RP1: variants seen among roughly 807,000 people sequenced by gnomAD.
RP1 encodes oxygen-regulated protein 1.
A neutral mutation model predicts 14.8 loss-of-function variants in RP1; 16 were observed. The ratio of observed to expected loss-of-function variants is 1.08; its 90% CI spans 0.73 to 1.65. The LOEUF is 1.65. Among genes scored for constraint, RP1 ranks in the 40% most tolerant of loss-of-function variants. The probability of loss-of-function intolerance (pLI) is 0.00; values close to 1 mark genes in which losing one functional copy is unlikely to be tolerated. For missense variants in RP1, 2,631 were observed against 2,535.0 expected (o/e 1.04, Z -0.81); for synonymous variants, 876 against 883.6 (o/e 0.99, Z 0.15).
chr8:54,810,555 C>G (rs550773081), intron 24 of RP1, among the ~76,000 whole-genome samples: 2 of 152,158 alleles, frequency 1.3e-5, no homozygotes, highest in South Asian at 2.1e-4. Flanking sequence ...TATTGGGAAA[C>G]AGCTGGAAAT....
chr8:54,610,453 C>G (rs948898844), intron 1 of RP1, among the ~76,000 whole-genome samples: 1 of 152,186 alleles, frequency 6.6e-6, no homozygotes, highest in Non-Finnish European at 1.5e-5. Context: ...TATATCAGTG[C>G]ATCACGTTTA....
upstream of RP1, among the ~76,000 whole-genome samples, chr8:54,615,460 G>A (rs1009882654): frequency 2.6e-5 from 4 of 152,194 alleles, no homozygotes; most frequent in Admixed American, 6.5e-5. Context: ...GAAGGATCAG[G>A]TGCCATCTGG....
intron 22 of RP1, among the ~76,000 whole-genome samples, chr8:54,759,250 C>G (rs1310251504): frequency 6.6e-6 from 1 of 151,126 alleles, no homozygotes; most frequent in Non-Finnish European, 1.5e-5. Flanking sequence ...CTTAAATAAT[C>G]TTTTGCTAGA....
chr8:54,579,551 A>T (rs1249259800), intron 1 of RP1, among the ~76,000 whole-genome samples: 1 of 152,118 alleles, frequency 6.6e-6, no homozygotes, highest in Non-Finnish European at 1.5e-5. Context: ...ATTCTCTTAC[A>T]TCCTGTGTCA....
chr8:54,722,653 G>A (rs1465489522), intron 16 of RP1, among the ~76,000 whole-genome samples: 1 of 152,080 alleles, frequency 6.6e-6, no homozygotes, highest in Non-Finnish European at 1.5e-5. Context: ...CAGAGATAGA[G>A]CAGCCCCCGA....
chr8:54,734,207 T>C (rs1808858194), intron 17 of RP1, among the ~76,000 whole-genome samples: 1 of 152,154 alleles, frequency 6.6e-6, no homozygotes, highest in Admixed American at 6.5e-5. Context: ...AATATGTAGG[T>C]CAAGCAGGCA....
chr8:54,659,249 T>G (rs1381885085), intron 6 of RP1, among the ~76,000 whole-genome samples: 1 of 152,194 alleles, frequency 6.6e-6, no homozygotes, highest in Non-Finnish European at 1.5e-5. Context: ...TTGTTTATGT[T>G]TGTTTTTGTT....
In RP1 at chr8:54,629,025, AG is replaced by A; in HGVS notation, c.5147del (p.Gly1716ValfsTer4). ...DVSAVRDNYC[R>X]GDIVEPGTKQ... is the part of the protein sequence containing the mutation. ...TAGTGCTGTGAGGGACAATTATTGT[AG>A]GGGTGACATTGTAGAACCTGGTACA... On this transcript the variant is annotated frameshift_variant, in exon 4 of 4. Transcript: ENST00000220676. LOFTEE classifies it low-confidence loss of function (END_TRUNC). 1 of 1,614,102 alleles carries A rather than the reference AG, an allele frequency of 6.2e-7. No individual in the cohort carries two copies. Among genetic ancestry groups the A allele is most frequent in the Non-Finnish European group, 8.5e-7 (1 of 1,179,960 alleles).
intron 23 of RP1, chr8:54,781,130 A>G (rs1394415691): frequency 1.5e-6 from 1 of 646,358 alleles, no homozygotes; most frequent in East Asian, 1.4e-4. Context: ...TAAATGAAAG[A>G]CATTGCTATA....
At chr8:54,846,988 A>G (rs113309504) in intron 25 of RP1, among the ~76,000 whole-genome samples, 1,953 of 152,224 alleles carry the variant, frequency 0.013, 50 homozygotes, top group African/African-American at 0.044. Flanking sequence ...AGCAGCAGGG[A>G]TGAGAGCTGA....
At chr8:54,598,531 T>C (rs1805201570) in intron 1 of RP1, among the ~76,000 whole-genome samples, 1 of 152,210 alleles carries the variant, frequency 6.6e-6, no homozygotes, top group Admixed American at 6.5e-5. Flanking sequence ...AAGTTTATTG[T>C]ATTTATTCTT....
At position 54,627,339 on chromosome 8, in the gene RP1, G is replaced by A. The variant is rs772227991; in HGVS notation, c.3457G>A (p.Ala1153Thr). The A allele has an allele frequency of 3.7e-6, 6 of 1,614,100 alleles. No homozygotes were observed. Among genetic ancestry groups the A allele is most frequent in the Middle Eastern group, 1.6e-4 (1 of 6,062 alleles). Residue 1153 changes from alanine (A) to threonine (T), a missense_variant, in exon 4 of 4, where the codon GCT becomes ACT. By Grantham distance (58) the Ala-to-Thr change is moderately conservative (BLOSUM62 0). Coordinates refer to ENST00000220676, the MANE Select transcript of RP1 (RefSeq NM_006269.2). The stretch of plus-strand genomic sequence containing the variant: ...CTTCTGTCAAGTTGATGCTCACAAG[G>A]CTACCAACAAATCTTCAGAAACACT... ...NSFCQVDAHK[A>T]TNKSSETLAL... is the part of the protein sequence containing the mutation.
intron 7 of RP1, among the ~76,000 whole-genome samples, chr8:54,668,075 T>C (rs1366502207): frequency 6.6e-6 from 1 of 152,146 alleles, no homozygotes; most frequent in Non-Finnish European, 1.5e-5. Flanking sequence ...TGAACATCAA[T>C]GCAAAAATCC....
intron 15 of RP1, among the ~76,000 whole-genome samples, chr8:54,710,201 T>C (rs1282844572): frequency 6.6e-6 from 1 of 152,192 alleles, no homozygotes; most frequent in African/African-American, 2.4e-5. Flanking sequence ...TTTGCAGGTC[T>C]TGCAACAGGG....
chr8:54,615,005 A>G (rs186794056), upstream of RP1, among the ~76,000 whole-genome samples: 2 of 152,316 alleles, frequency 1.3e-5, no homozygotes, highest in East Asian at 1.9e-4. Context: ...TTGTACTTCA[A>G]TTTGGAGCTG....
At chr8:54,806,681 G>A (rs1305836245) in intron 24 of RP1, among the ~76,000 whole-genome samples, 1 of 152,172 alleles carries the variant, frequency 6.6e-6, no homozygotes, top group Non-Finnish European at 1.5e-5. Flanking sequence ...TTTGAAGATA[G>A]AATTGGAATA....
At chr8:54,741,890 C>T (rs1809108123) in intron 19 of RP1, among the ~76,000 whole-genome samples, 1 of 150,754 alleles carries the variant, frequency 6.6e-6, no homozygotes, top group African/African-American at 2.4e-5. Flanking sequence ...TTGTTGAGTG[C>T]TTAACATATG....
At chr8:54,650,789 T>C (rs1563338058) in intron 4 of RP1, among the ~76,000 whole-genome samples, 1 of 151,362 alleles carries the variant, frequency 6.6e-6, no homozygotes, top group African/African-American at 2.4e-5. Context: ...TTGCTGTAGC[T>C]AGAACTTTCA....
At chr8:54,636,946 C>T (rs1806359814) in intron 3 of RP1, among the ~76,000 whole-genome samples, 2 of 152,144 alleles carry the variant, frequency 1.3e-5, no homozygotes, top group African/African-American at 4.8e-5. Flanking sequence ...AGAGAAAGTT[C>T]TCTAGATTTG....
Sources: allele counts gnomAD v4.1 joint callset (sites outside exome capture counted in the v4.1 genomes callset), GRCh38; gene constraint gnomAD v4.1.1; transcripts MANE v1.5; gene names NCBI Gene and HGNC (gene_info 2026-07-23, HGNC 2026-07-21).